The following TUBGCP2 variants were observed in gnomAD, a reference collection of about 807,000 sequenced individuals.
TUBGCP2 encodes tubulin gamma complex component 2, also known as gamma-tubulin complex component 2.
Under a neutral mutation model 92.2 loss-of-function variants are expected in TUBGCP2, and 55 were observed. The ratio of observed to expected loss-of-function variants is 0.60; its 90% CI spans 0.48 to 0.75. TUBGCP2 has a LOEUF of 0.75. Ranked by LOEUF, TUBGCP2 falls within the 30% of genes least tolerant of loss-of-function variation. The probability of loss-of-function intolerance (pLI) is 0.00; values close to 1 mark genes in which losing one functional copy is unlikely to be tolerated. For missense variants in TUBGCP2, 1,093 were observed against 1,188.9 expected, an observed-to-expected ratio of 0.92 and a Z score of 1.19; for synonymous variants, 533 against 505.2, an observed-to-expected ratio of 1.06 and a Z score of -0.74.
upstream of TUBGCP2, chr10:133,311,868 C>T: frequency 6.2e-7 from 1 of 1,613,296 alleles, no homozygotes; most frequent in Non-Finnish European, 8.5e-7. Flanking sequence ...TTTCTGAAAC[C>T]CGTTCTCAAC....
Position 133,293,002 on chromosome 10 carries a change from C to CCCA in TUBGCP2, c.1024+34_1024+36dup, listed in dbSNP as rs1386756681. On this transcript the variant is annotated intron_variant, in intron 7 of 17. Coordinates refer to ENST00000252936, the MANE Select transcript of TUBGCP2 (RefSeq NM_006659.4). ...TGGGTGCCATGTTCAACACCTGCCA[C>CCCA]CCACCACTGCCCCATGCCCCCCGGG... 3 of 1,602,538 alleles carry CCCA rather than the reference C, an allele frequency of 1.9e-6. No individual in the cohort carries two copies. In the Admixed American group the frequency reaches 5.0e-5, roughly 27 times the overall value.
At chr10:133,281,568 G>T in intron 16 of TUBGCP2, 132 bp from the exon 17 acceptor site, 1 of 1,187,136 alleles carries the variant, frequency 8.4e-7, no homozygotes, top group Non-Finnish European at 1.1e-6. Context: ...GTTCCATGAT[G>T]TTTTCAGGAG....
chr10:133,311,870 G>A (rs762068921), upstream of TUBGCP2: 25 of 1,613,162 alleles, frequency 1.5e-5, no homozygotes, highest in South Asian at 2.2e-5. Flanking sequence ...TCTGAAACCC[G>A]TTCTCAACAT....
intron 15 of TUBGCP2, 25 bp from the exon 16 acceptor site, chr10:133,282,367 A>G (rs1361860410): frequency 5.7e-6 from 9 of 1,568,696 alleles, no homozygotes; most frequent in Non-Finnish European, 7.8e-6. Flanking sequence ...TCGCAAGGAA[A>G]TGCTTCTGTT....
At chr10:133,312,147 G>A (rs115182703), upstream of TUBGCP2, 1,227 of 1,435,562 alleles carry the variant, frequency 8.5e-4, 12 homozygotes, top group African/African-American at 0.014. Flanking sequence ...CAACCCAGGC[G>A]TCTGCCTTAA....
In TUBGCP2 at chr10:133,302,973, A is replaced by G. The variant is rs750637692; in HGVS notation, c.-32T>C. On this transcript the variant is annotated 5_prime_UTR_variant, in exon 2 of 18. Transcript: ENST00000252936. The stretch of plus-strand genomic sequence containing the variant: ...AGCTCTGAGGCACGAACATCACAAT[A>G]TGTTCTCCTATAGGTAAGAAGACAG... 2 of 1,613,392 alleles carry G rather than the reference A, an allele frequency of 1.2e-6. No homozygotes were observed. The highest frequency in any genetic ancestry group is 2.2e-5 in the South Asian group (2 of 91,074).
upstream of TUBGCP2, chr10:133,309,074 C>G: frequency 7.7e-7 from 1 of 1,301,854 alleles, no homozygotes; most frequent in South Asian, 2.9e-5. Flanking sequence ...GTGCGCTTCC[C>G]GCGGGAGCAC....
chr10:133,284,070 C>A (rs553521494), intron 13 of TUBGCP2, 68 bp from the exon 14 acceptor site: 1 of 1,576,808 alleles, frequency 6.3e-7, no homozygotes, highest in Non-Finnish European at 8.6e-7. Flanking sequence ...CCAAGTGACA[C>A]GGAGGACGGA....
chr10:133,288,401 C>T, intron 10 of TUBGCP2, 92 bp from the exon 11 acceptor site: 1 of 1,486,530 alleles, frequency 6.7e-7, no homozygotes, highest in Non-Finnish European at 9.1e-7. Context: ...CCCGCAGGTG[C>T]CCGCCACAGC....
At chr10:133,309,558 G>A, upstream of TUBGCP2, 3 of 1,438,916 alleles carry the variant, frequency 2.1e-6, no homozygotes, top group East Asian at 4.9e-5. Context: ...TCTTCCATGT[G>A]CGGCCGCCCC....
Position 133,293,785 on chromosome 10 carries a change from G to A in TUBGCP2, c.617-16C>T. ...GGCAACGTGCCTGCGGGCACAGACA[G>A]CGCTGTGGCTCTGCAGCCCCCACTC... On this transcript the variant is annotated splice_polypyrimidine_tract_variant and intron_variant, in intron 5 of 17. Transcript: ENST00000252936. The A allele has an allele frequency of 6.4e-7, 1 of 1,568,172 alleles. No individual in the cohort carries two copies. The highest frequency in any genetic ancestry group is 8.6e-7 in the Non-Finnish European group (1 of 1,157,498).
At chr10:133,309,666 CA>C, upstream of TUBGCP2, 1 of 1,382,864 alleles carries the variant, frequency 7.2e-7, no homozygotes, top group Non-Finnish European at 1.0e-6. Flanking sequence ...TTTGGGATTG[CA>C]AAAGATGCAT....
intron 2 of TUBGCP2, 30 bp downstream of exon 2, chr10:133,302,762 G>C: frequency 6.2e-7 from 1 of 1,611,392 alleles, no homozygotes; most frequent in Non-Finnish European, 8.5e-7. Context: ...TGCTCACCCT[G>C]CACAGCGCTA....
chr10:133,304,848 GAAGAC>G (rs1847770068), intron 1 of TUBGCP2, among the ~76,000 whole-genome samples: 1 of 152,232 alleles, frequency 6.6e-6, no homozygotes, highest in Non-Finnish European at 1.5e-5. Context: ...GAAGTGACCA[GAAGAC>G]AAGAATGTGA....
intron 5 of TUBGCP2, among the ~76,000 whole-genome samples, chr10:133,296,160 C>G (rs536995362): frequency 3.9e-5 from 6 of 152,214 alleles, no homozygotes; most frequent in Admixed American, 3.3e-4. Context: ...CTGCCCACGG[C>G]GCCGCAGCGT....
intron 2 of TUBGCP2, among the ~76,000 whole-genome samples, chr10:133,301,312 A>G (rs1414625716): frequency 6.6e-6 from 1 of 152,172 alleles, no homozygotes; most frequent in Non-Finnish European, 1.5e-5. Context: ...TTTAGTAGCG[A>G]TGGGGTTTCT....
rs1847276662 is a variant in TUBGCP2, at chr10:133,291,140, TG to T, written c.1215-1172del. 3 of 355,806 alleles carry T rather than the reference TG, an allele frequency of 8.4e-6. 1 individual carries two copies. The highest frequency in any genetic ancestry group is 8.8e-5 in the Admixed American group (2 of 22,624). 22.0% of individuals were successfully genotyped at this position (355,806 alleles called of 1,614,324 possible). On this transcript the variant is annotated intron_variant, in intron 8 of 17. Transcript: ENST00000252936. ...ATAAGCAGCTGGGCCATTCCTGCCCTGGGCCCCATGGGCAGCAGGCGGACAT... is the reference window on the plus strand; with the variant it reads ...ATAAGCAGCTGGGCCATTCCTGCCCTGGCCCCATGGGCAGCAGGCGGACAT...
chr10:133,301,304 T>C (rs1160690629), intron 2 of TUBGCP2, among the ~76,000 whole-genome samples: 3 of 152,276 alleles, frequency 2.0e-5, no homozygotes, highest in East Asian at 1.9e-4. Flanking sequence ...TTTGTATTTT[T>C]AGTAGCGATG....
At chr10:133,286,048 C>T (rs1174741929) in intron 11 of TUBGCP2, among the ~76,000 whole-genome samples, 2 of 152,100 alleles carry the variant, frequency 1.3e-5, no homozygotes, top group East Asian at 3.9e-4. Flanking sequence ...GTTAATCACT[C>T]GAGTATTTGC....
Sources: allele counts gnomAD v4.1 joint callset (sites outside exome capture counted in the v4.1 genomes callset), GRCh38; gene constraint gnomAD v4.1.1; transcripts MANE v1.5; gene names NCBI Gene and HGNC (gene_info 2026-07-23, HGNC 2026-07-21).